The following GAB4 variants were observed in gnomAD, a reference collection of about 807,000 sequenced individuals.
GAB4 encodes GRB2-associated-binding protein 4.
GAB4 carries 26 observed loss-of-function variants against 51.3 expected under a neutral mutation model. The ratio of observed to expected loss-of-function variants is 0.51; its 90% CI spans 0.37 to 0.70. GAB4 has a LOEUF of 0.70. Ranked by LOEUF, GAB4 falls within the 30% of genes least tolerant of loss-of-function variation. The probability of loss-of-function intolerance (pLI) is 0.00; values close to 1 mark genes in which losing one functional copy is unlikely to be tolerated. For synonymous variants in GAB4, 329 were observed against 291.2 expected (o/e 1.13, Z -1.32); for missense variants, 759 against 734.6 (o/e 1.03, Z -0.38).
Position 16,966,135 on chromosome 22 carries a change from G to A in GAB4, c.1253C>T (p.Pro418Leu), listed in dbSNP as rs771613972. 3 of 1,614,052 alleles carry A rather than the reference G, an allele frequency of 1.9e-6. No individual in the cohort carries two copies. Among genetic ancestry groups the A allele is most frequent in the Non-Finnish European group, 2.5e-6 (3 of 1,180,016 alleles). Residue 418 changes from proline to leucine, a missense_variant, in exon 6 of 10, where the codon CCC (proline) becomes CTC (leucine). By Grantham distance (98) the Pro-to-Leu change is moderately conservative. Around this residue, in one of 3 missense-constraint regions of GAB4, gnomAD observed 588 missense variants for 510.2 expected, o/e 1.15. Transcript: ENST00000400588. ...AGGCTTGAGGCTGCGGTTGACAGGG[G>A]GCAGCTGGACCTCATGTCCCTGGCT... ...DLSQGHEVQLPPVNRSLKPNQ... is the reference protein window; with the variant it reads ...DLSQGHEVQLLPVNRSLKPNQ...
chr22:16,981,941 T>G (rs928691695), intron 3 of GAB4, among the ~76,000 whole-genome samples: 1 of 152,164 alleles, frequency 6.6e-6, no homozygotes, highest in Non-Finnish European at 1.5e-5. Context: ...ACCACATTAA[T>G]AGATTCAAAA....
At chr22:16,968,737 A>G (rs1330641860) in intron 4 of GAB4, among the ~76,000 whole-genome samples, 4 of 152,178 alleles carry the variant, frequency 2.6e-5, no homozygotes, top group Non-Finnish European at 4.4e-5. Context: ...GTTTCATTTT[A>G]TTTTACACAT....
chr22:16,972,429 CTGGCAGTT>C (rs1335307444), intron 3 of GAB4, among the ~76,000 whole-genome samples: 1 of 152,176 alleles, frequency 6.6e-6, no homozygotes, highest in Non-Finnish European at 1.5e-5. Context: ...AGAACACAGC[CTGGCAGTT>C]CAAGGGGCTG....
intron 2 of GAB4, among the ~76,000 whole-genome samples, chr22:16,988,562 C>T (rs931595650): frequency 6.6e-6 from 1 of 152,200 alleles, no homozygotes; most frequent in Non-Finnish European, 1.5e-5. Flanking sequence ...CTGGGTGAAG[C>T]GAGGCTTGCC....
chr22:16,979,122 A>G (rs951248398), intron 3 of GAB4, among the ~76,000 whole-genome samples: 1 of 152,232 alleles, frequency 6.6e-6, no homozygotes, highest in East Asian at 1.9e-4. Flanking sequence ...AAACTGGCAC[A>G]AGACAAGGAT....
chr22:16,978,505 G>C (rs980231103), intron 3 of GAB4, among the ~76,000 whole-genome samples: 1 of 151,948 alleles, frequency 6.6e-6, no homozygotes, highest in Non-Finnish European at 1.5e-5. Context: ...CCCTGAATAG[G>C]ACAATAACAA....
At chr22:16,996,726 T>C (rs186907366) in intron 1 of GAB4, among the ~76,000 whole-genome samples, 276 of 152,232 alleles carry the variant, frequency 1.8e-3, no homozygotes, top group African/African-American at 6.5e-3. Flanking sequence ...GTTTGTTACA[T>C]ATGTAAACAT....
chr22:16,988,154 G>A lies in GAB4; in HGVS notation c.492C>T (p.Asn164=). 6.2e-7 allele frequency: 1 copy of A among 1,613,056 alleles called. No homozygotes were observed. The highest frequency in any genetic ancestry group is 8.5e-7 in the Non-Finnish European group (1 of 1,179,348). ...RQEESTGFLG[N]ISSASHGLCS... is the part of the protein sequence containing the mutation. ...AGAGGCCGTGACTGGCTGAGGAAAT[G>A]TTTCCCAGGAAGCCTGTGAATGAAA... Residue 164 remains asparagine, a synonymous_variant, in exon 3 of 10, where the codon AAC becomes AAT. Transcript: ENST00000400588.
intron 3 of GAB4, among the ~76,000 whole-genome samples, chr22:16,975,922 C>T (rs1441052185): frequency 6.6e-6 from 1 of 152,168 alleles, no homozygotes; most frequent in Non-Finnish European, 1.5e-5. Context: ...TCCAGTAGAG[C>T]TGCAGCAGAG....
At chr22:16,971,033 CAAAAAAA>C (rs559151212) in intron 3 of GAB4, among the ~76,000 whole-genome samples, 1 of 126,068 alleles carries the variant, frequency 7.9e-6, no homozygotes. Flanking sequence ...CTGTCTCTTC[CAAAAAAA>C]AAAAAAAATT....
chr22:17,001,383 T>C (rs1220336340), intron 1 of GAB4, among the ~76,000 whole-genome samples: 2 of 152,218 alleles, frequency 1.3e-5, no homozygotes, highest in African/African-American at 2.4e-5. Context: ...CTTCATTTCA[T>C]TCATTTGATC....
At chr22:17,000,340 G>A (rs1412792120) in intron 1 of GAB4, among the ~76,000 whole-genome samples, 7 of 152,076 alleles carry the variant, frequency 4.6e-5, no homozygotes, top group Admixed American at 2.6e-4. Context: ...TTGGGTGCAT[G>A]TATATTTAGG....
intron 1 of GAB4, among the ~76,000 whole-genome samples, chr22:17,003,372 T>C (rs1367420322): frequency 6.6e-6 from 1 of 152,174 alleles, no homozygotes; most frequent in African/African-American, 2.4e-5. Flanking sequence ...ATCAACAGAA[T>C]ATACATTCTT....
At chr22:16,988,320 T>C (rs2060886120) in intron 2 of GAB4, among the ~76,000 whole-genome samples, 153 bp from the exon 3 acceptor site, 1 of 152,196 alleles carries the variant, frequency 6.6e-6, no homozygotes, top group Admixed American at 6.5e-5. Context: ...TGGGGCCTCC[T>C]GGCTATCCTG....
At chr22:16,967,474 T>A (rs901022741) in intron 5 of GAB4, 1 of 152,320 alleles carries the variant, frequency 6.6e-6, no homozygotes, top group African/African-American at 2.4e-5. Context: ...ACATCAGATG[T>A]CTTGGCCCTG....
At chr22:16,978,917 C>T (rs1343980628) in intron 3 of GAB4, among the ~76,000 whole-genome samples, 2 of 152,076 alleles carry the variant, frequency 1.3e-5, no homozygotes, top group African/African-American at 4.8e-5. Context: ...ATAAACAGAA[C>T]CAATGACAAA....
intron 1 of GAB4, 23 bp downstream of exon 1, chr22:17,007,918 A>T: frequency 6.9e-7 from 1 of 1,451,060 alleles, no homozygotes. Context: ...CGCTCCTGGT[A>T]CCGCCCCCAC....
chr22:16,994,121 T>C (rs2060933384), intron 1 of GAB4, among the ~76,000 whole-genome samples: 1 of 152,226 alleles, frequency 6.6e-6, no homozygotes, highest in Non-Finnish European at 1.5e-5. Flanking sequence ...GCCCAGTTTT[T>C]CTACCCTCTT....
At chr22:16,988,418 G>T (rs534105298) in intron 2 of GAB4, among the ~76,000 whole-genome samples, 2 of 152,310 alleles carry the variant, frequency 1.3e-5, no homozygotes, top group East Asian at 3.9e-4. Flanking sequence ...TCCACTCCCA[G>T]ACGGCGTGGT....
Sources: gnomAD v4.1 joint callset for allele counts (sites outside exome capture counted in the v4.1 genomes callset) on GRCh38, gnomAD v4.1.1 for gene constraint, gnomAD v4.1.1 regional missense constraint, MANE v1.5 for transcripts, NCBI Gene and HGNC (gene_info 2026-07-23, HGNC 2026-07-21) for gene names.